GAL3ST2: variants seen among roughly 807,000 people sequenced by gnomAD.
The protein encoded by GAL3ST2 is beta-galactose-3-O-sulfotransferase 2.
GAL3ST2 carries 16 observed loss-of-function variants against 12.9 expected under a neutral mutation model. The observed-to-expected ratio is 1.24, with a 90% confidence interval of 0.84 to 1.88. GAL3ST2 has a LOEUF of 1.88. Ranked by LOEUF, GAL3ST2 falls within the 40% of genes most tolerant of loss-of-function variation. GAL3ST2 has a pLI of 0.00. For synonymous variants in GAL3ST2, 302 were observed against 273.9 expected, an observed-to-expected ratio of 1.10 and a Z score of -1.01; for missense variants, 639 against 571.8, an observed-to-expected ratio of 1.12 and a Z score of -1.20.
At chr2:241,785,546 C>T (rs1164868266) in intron 1 of GAL3ST2, among the ~76,000 whole-genome samples, 4 of 142,554 alleles carry the variant, frequency 2.8e-5, no homozygotes, top group Non-Finnish European at 4.6e-5. Flanking sequence ...AGATGAAACT[C>T]CGTCTCAAAA....
In GAL3ST2 at chr2:241,801,359, T is replaced by TCATTCAAAAA; in HGVS notation, c.120-422_120-421insCATTCAAAAA. ...TGCCACATTTTCTTTACGGTCTCTA[T>TCATTCAAAAA]GTAACATTCACACCCGGCAGCTGCT... On this transcript the variant is annotated intron_variant, in intron 2 of 3. Coordinates refer to ENST00000192314, the MANE Select transcript of GAL3ST2 (RefSeq NM_022134.3). This position sits in a 1 kb window ranked among gnomAD's most constrained non-coding sequence, Gnocchi z 4.4. The TCATTCAAAAA allele has an allele frequency of 2.0e-5, 4 of 197,456 alleles. No homozygotes were observed. The highest frequency in any genetic ancestry group is 1.2e-4 in the South Asian group (1 of 8,526). 12.2% of individuals were successfully genotyped at this position (197,456 alleles called of 1,614,324 possible). A position where few individuals can be genotyped will look rare whatever the true frequency, so the allele number is the denominator to read the frequency against.
chr2:241,797,134 C>T (rs1699781485), intron 1 of GAL3ST2, among the ~76,000 whole-genome samples: 1 of 152,266 alleles, frequency 6.6e-6, no homozygotes, highest in African/African-American at 2.4e-5. Flanking sequence ...GTTAGGGTCA[C>T]AGGCGTGAGC....
chr2:241,802,058 G>T lies in GAL3ST2; in HGVS notation c.375+22G>T. 6.3e-7 allele frequency: 1 copy of T among 1,593,656 alleles called. No individual in the cohort carries two copies. The highest frequency in any genetic ancestry group is 1.1e-5 in the South Asian group (1 of 88,638). Reference sequence around the variant, plus strand: ...TCAGGTACCGCGGGCCTGCTGGGGAGGAGGGCGGGCTGCAGCCGTGCCTGT... The same window carrying T: ...TCAGGTACCGCGGGCCTGCTGGGGATGAGGGCGGGCTGCAGCCGTGCCTGT... On this transcript the variant is annotated intron_variant, in intron 3 of 3. Coordinates refer to ENST00000192314, the MANE Select transcript of GAL3ST2 (RefSeq NM_022134.3). This position sits in a 1 kb window ranked among gnomAD's most constrained non-coding sequence, Gnocchi z 4.8.
At chr2:241,803,243 G>T (rs1431576120) in intron 3 of GAL3ST2, 102 bp from the exon 4 acceptor site, 10 of 904,720 alleles carry the variant, frequency 1.1e-5, no homozygotes, top group African/African-American at 1.7e-5. Context: ...GAGGATGGGG[G>T]TGCTCCTTGA....
At chr2:241,779,917 C>T (rs180712563) in intron 1 of GAL3ST2, among the ~76,000 whole-genome samples, 66 of 150,376 alleles carry the variant, frequency 4.4e-4, no homozygotes, top group African/African-American at 1.4e-3. Context: ...ACCTGGGAAG[C>T]GGAGGTTGCG....
Position 241,801,458 on chromosome 2 carries a change from T to G in GAL3ST2, c.120-323T>G. The G allele has an allele frequency of 3.0e-5, 12 of 405,950 alleles. No homozygotes were observed. Among genetic ancestry groups the G allele is most frequent in the Non-Finnish European group, 2.7e-5 (6 of 222,366 alleles). The allele number at this position is 405,950 out of a possible 1,614,324, so 25.1% of individuals were successfully genotyped here. Reference sequence around the variant, plus strand: ...ATCCCATCACTGCTGGGAACTCAGTTTTAAGGTGGGTCTGGGGTCCCCTTG... The same window carrying G: ...ATCCCATCACTGCTGGGAACTCAGTGTTAAGGTGGGTCTGGGGTCCCCTTG... On this transcript the variant is annotated intron_variant, in intron 2 of 3. Coordinates refer to ENST00000192314, the MANE Select transcript of GAL3ST2 (RefSeq NM_022134.3). The surrounding 1 kb of genome is among the most constrained non-coding windows in gnomAD (Gnocchi z 4.4).
intron 1 of GAL3ST2, among the ~76,000 whole-genome samples, chr2:241,784,284 C>T (rs761474731): frequency 2.0e-5 from 3 of 152,262 alleles, no homozygotes; most frequent in African/African-American, 7.2e-5. Flanking sequence ...CCACCTGCCT[C>T]GGCCTCCCAA....
At chr2:241,797,102 T>C (rs1245697622) in intron 1 of GAL3ST2, among the ~76,000 whole-genome samples, 1 of 152,200 alleles carries the variant, frequency 6.6e-6, no homozygotes, top group Non-Finnish European at 1.5e-5. Context: ...CAAGCAATTC[T>C]CCCACTTCCG....
At chr2:241,779,481 C>T (rs896978059) in intron 1 of GAL3ST2, among the ~76,000 whole-genome samples, 1 of 150,866 alleles carries the variant, frequency 6.6e-6, no homozygotes, top group African/African-American at 2.4e-5. Flanking sequence ...GATCCGCCGG[C>T]CTTGGCCTCC....
rs1575364834 is a variant in GAL3ST2 at position 241,793,442 on chromosome 2, T to G, written c.30-5623T>G. ...CGTGTGTATATTGTGTACGTGTATGTATGTACTGTGTATGCGTGTGTATGT... is the reference window on the plus strand; with the variant it reads ...CGTGTGTATATTGTGTACGTGTATGGATGTACTGTGTATGCGTGTGTATGT... On this transcript the variant is annotated intron_variant, in intron 1 of 3. Transcript: ENST00000192314. This position sits in a 1 kb window ranked among gnomAD's most constrained non-coding sequence, Gnocchi z 4.7. Among the ~76,000 whole-genome samples, 1 of 150,850 alleles carries G rather than the reference T, an allele frequency of 6.6e-6. No homozygotes were observed. The highest frequency in any genetic ancestry group is 1.5e-5 in the Non-Finnish European group (1 of 67,948).
intron 1 of GAL3ST2, 79 bp from the exon 2 acceptor site, chr2:241,798,986 G>A (rs867911712): frequency 1.7e-6 from 2 of 1,165,890 alleles, no homozygotes; most frequent in Non-Finnish European, 2.6e-6. Flanking sequence ...CCCAAGGCCT[G>A]GACTTGGCTG....
At chr2:241,786,178 G>C (rs528514700) in intron 1 of GAL3ST2, among the ~76,000 whole-genome samples, 2 of 139,882 alleles carry the variant, frequency 1.4e-5, no homozygotes, top group Non-Finnish European at 3.0e-5. Context: ...TGTTGGGGGG[G>C]ATCTTAACCA....
In GAL3ST2 at chr2:241,801,532, A is replaced by C; in HGVS notation, c.120-249A>C. 2 of 521,796 alleles carry C rather than the reference A, an allele frequency of 3.8e-6. No homozygotes were observed. Among genetic ancestry groups the C allele is most frequent in the East Asian group, 3.4e-5 (1 of 29,148 alleles). 32.3% of individuals were successfully genotyped at this position (521,796 alleles called of 1,614,324 possible). ...TTTTATTTTTAGTTCTCGGGGGCAC[A>C]GGGTTGGGGGAGCATGGTTACGGGA... On this transcript the variant is annotated intron_variant, in intron 2 of 3. Transcript: ENST00000192314. The surrounding 1 kb of genome is among the most constrained non-coding windows in gnomAD (Gnocchi z 4.4).
chr2:241,783,736 A>C (rs1699593289), intron 1 of GAL3ST2, among the ~76,000 whole-genome samples: 1 of 152,256 alleles, frequency 6.6e-6, no homozygotes, highest in East Asian at 1.9e-4. Context: ...AACGTTATGA[A>C]ACTGCTCTTG....
chr2:241,801,120 C>G lies in GAL3ST2; in HGVS notation c.120-661C>G, dbSNP rs538858433. On this transcript the variant is annotated intron_variant, in intron 2 of 3. Coordinates refer to ENST00000192314, the MANE Select transcript of GAL3ST2 (RefSeq NM_022134.3). This position sits in a 1 kb window ranked among gnomAD's most constrained non-coding sequence, Gnocchi z 4.4. ...TAATGCTTTCCTTCCCCTTACACCC[C>G]ATCCCCGACAGGCCCTGGGATGCGC... The G allele has an allele frequency of 1.3e-5, 2 of 152,492 alleles. No homozygotes were observed. The highest frequency in any genetic ancestry group is 4.1e-4 in the South Asian group (2 of 4,824). The allele number at this position is 152,492 out of a possible 1,614,324, so 9.4% of individuals were successfully genotyped here. A position where few individuals can be genotyped will look rare whatever the true frequency, so the allele number is the denominator to read the frequency against.
chr2:241,796,419 G>T (rs1274267723), intron 1 of GAL3ST2, among the ~76,000 whole-genome samples: 1 of 152,080 alleles, frequency 6.6e-6, no homozygotes, highest in Admixed American at 6.5e-5. Flanking sequence ...TGGTCAGCAG[G>T]GAAGCCATCG....
chr2:241,803,869 G>A lies in GAL3ST2; in HGVS notation c.900G>A (p.Pro300=), dbSNP rs1449735018. 2.1e-6 allele frequency: 3 copies of A among 1,423,764 alleles called. No individual in the cohort carries two copies. The highest frequency in any genetic ancestry group is 3.5e-5 in the Admixed American group (1 of 28,366). The allele number at this position is 1,423,764 out of a possible 1,614,324, so 88.2% of individuals were successfully genotyped here. A position where few individuals can be genotyped will look rare whatever the true frequency, so the allele number is the denominator to read the frequency against. ...LWAQLRAELG[P]RRLRGEVERL... is the part of the protein sequence containing the mutation. ...CGCAGCTGCGCGCCGAGCTGGGGCCGCGGCGGCTGCGCGGGGAGGTGGAGC... is the reference window on the plus strand; with the variant it reads ...CGCAGCTGCGCGCCGAGCTGGGGCCACGGCGGCTGCGCGGGGAGGTGGAGC... The change falls in exon 4 of 4, where the codon CCG becomes CCA. Residue 300 remains proline, a synonymous_variant. Coordinates refer to ENST00000192314, the MANE Select transcript of GAL3ST2 (RefSeq NM_022134.3).
chr2:241,794,466 C>G (rs933509090), intron 1 of GAL3ST2, among the ~76,000 whole-genome samples: 2 of 152,182 alleles, frequency 1.3e-5, no homozygotes, highest in Non-Finnish European at 2.9e-5. Context: ...TTTTGGGGAG[C>G]CTCAGCGACT....
At chr2:241,779,394 C>T (rs1303385837) in intron 1 of GAL3ST2, among the ~76,000 whole-genome samples, 5 of 151,368 alleles carry the variant, frequency 3.3e-5, no homozygotes, top group Non-Finnish European at 7.4e-5. Flanking sequence ...CCACCTCGCC[C>T]AGCTAATTTT....
Sources: gnomAD v4.1 joint callset for allele counts (sites outside exome capture counted in the v4.1 genomes callset) on GRCh38, gnomAD v4.1.1 for gene constraint, Gnocchi (gnomAD v3.1) non-coding constraint, MANE v1.5 for transcripts, NCBI Gene and HGNC (gene_info 2026-07-23, HGNC 2026-07-21) for gene names.